Variants in R3HDM1 observed in about 807,000 individuals in gnomAD.
R3HDM1 encodes R3H domain-containing protein 1.
A neutral mutation model predicts 141.1 loss-of-function variants in R3HDM1; 46 were observed. The observed-to-expected ratio is 0.33, with a 90% confidence interval of 0.26 to 0.42. The LOEUF (loss-of-function observed/expected upper bound fraction) is 0.42, where lower values mean the gene tolerates loss of function less well. R3HDM1 is among the 10% of genes least tolerant of loss of function. The pLI is 1.00. For missense variants in R3HDM1, 1,184 were observed against 1,368.3 expected (o/e 0.87, Z 2.12); for synonymous variants, 435 against 472.9 (o/e 0.92, Z 1.04).
intron 21 of R3HDM1, among the ~76,000 whole-genome samples, chr2:135,690,717 T>TTTTTG (rs142534887): frequency 1.3e-4 from 20 of 151,534 alleles, no homozygotes; most frequent in East Asian, 9.7e-4. Flanking sequence ...AAGAGGTTTT[T>TTTTTG]TTTGTTTGTT....
In R3HDM1 at chr2:135,622,600, T is replaced by A; in HGVS notation, c.419-54T>A. 5 of 1,524,100 alleles carry A rather than the reference T, an allele frequency of 3.3e-6. No individual in the cohort carries two copies. The South Asian group carries it at 6.4e-5, about 20-fold the overall frequency. The allele number at this position is 1,524,100 out of a possible 1,614,324, so 94.4% of individuals were successfully genotyped here. A position where few individuals can be genotyped will look rare whatever the true frequency, so the allele number is the denominator to read the frequency against. On this transcript the variant is annotated intron_variant, in intron 6 of 26. Coordinates refer to ENST00000683871, the MANE Select transcript of R3HDM1 (RefSeq NM_001378107.1). Reference sequence around the variant, plus strand: ...TATATACATCATGTGTAAAAGGGAATGGGACTTGTTTTCAAACAACTTTAT... The same window carrying A: ...TATATACATCATGTGTAAAAGGGAAAGGGACTTGTTTTCAAACAACTTTAT...
At chr2:135,566,645 A>T in intron 1 of R3HDM1, 1 of 537,988 alleles carries the variant, frequency 1.9e-6, no homozygotes, top group Non-Finnish European at 2.4e-6. Context: ...TCTTCAGGTT[A>T]ATCTGCATGA....
At chr2:135,680,036 C>A in intron 20 of R3HDM1, 137 bp from the exon 21 acceptor site, 2 of 855,322 alleles carry the variant, frequency 2.3e-6, no homozygotes, top group South Asian at 1.8e-5. Context: ...GCCAAGATTG[C>A]ACCACTACAC....
chr2:135,594,876 C>T (rs541455792), intron 1 of R3HDM1, among the ~76,000 whole-genome samples: 3 of 152,198 alleles, frequency 2.0e-5, no homozygotes, highest in South Asian at 2.1e-4. Flanking sequence ...CCTCTAACTT[C>T]GCATCTCCTG....
intron 7 of R3HDM1, among the ~76,000 whole-genome samples, chr2:135,629,240 C>T (rs1319532702): frequency 6.6e-6 from 1 of 151,964 alleles, no homozygotes; most frequent in African/African-American, 2.4e-5. Flanking sequence ...CGCTTGAACC[C>T]GGGAGGCAGA....
chr2:135,622,800 T>C, intron 7 of R3HDM1, 68 bp downstream of exon 7: 1 of 1,462,840 alleles, frequency 6.8e-7, no homozygotes, highest in South Asian at 1.4e-5. Context: ...TATGTTTTCA[T>C]TATTGAGTTA....
chr2:135,645,325 C>G, intron 15 of R3HDM1, 54 bp from the exon 16 acceptor site: 1 of 1,433,314 alleles, frequency 7.0e-7, no homozygotes, highest in Non-Finnish European at 9.6e-7. Flanking sequence ...GTAAAAGGAC[C>G]TATTTTCCAC....
At chr2:135,568,017 G>A (rs2104983712) in intron 1 of R3HDM1, among the ~76,000 whole-genome samples, 1 of 150,246 alleles carries the variant, frequency 6.7e-6, no homozygotes, top group African/African-American at 2.5e-5. Context: ...CTCCCAAAGT[G>A]CTGGGATTAC....
intron 21 of R3HDM1, among the ~76,000 whole-genome samples, chr2:135,688,298 C>A (rs1280645870): frequency 1.3e-5 from 2 of 152,062 alleles, no homozygotes; most frequent in South Asian, 2.1e-4. Flanking sequence ...TCAGTGTTAA[C>A]GAATCAACAA....
chr2:135,621,418 T>G (rs570933874), intron 5 of R3HDM1, 76 bp from the exon 6 acceptor site: 2 of 909,058 alleles, frequency 2.2e-6, no homozygotes, highest in East Asian at 5.5e-5. Context: ...TCTGTGTTAC[T>G]CAAAAAATAT....
At chr2:135,557,951 A>C (rs1449242930) in intron 1 of R3HDM1, among the ~76,000 whole-genome samples, 1 of 152,228 alleles carries the variant, frequency 6.6e-6, no homozygotes, top group African/African-American at 2.4e-5. Flanking sequence ...AATACATTAA[A>C]ACTATGTAAT....
Position 135,597,138 on chromosome 2 carries a change from T to C in R3HDM1, c.-249-5362T>C, listed in dbSNP as rs568902175. On this transcript the variant is annotated intron_variant, in intron 1 of 26. Coordinates refer to ENST00000683871, the MANE Select transcript of R3HDM1 (RefSeq NM_001378107.1). ...ACAAGACTCCACTAATTATTCTCTC[T>C]CATTCTTCAACTACCAAAAGTCTTT... The C allele has an allele frequency of 4.4e-5, 43 of 978,426 alleles. No homozygotes were observed. In the South Asian group the frequency reaches 1.8e-3, roughly 41 times the overall value. The allele number at this position is 978,426 out of a possible 1,614,324, so 60.6% of individuals were successfully genotyped here. A position where few individuals can be genotyped will look rare whatever the true frequency, so the allele number is the denominator to read the frequency against.
In R3HDM1 at chr2:135,721,995, C is replaced by T. The variant is rs542684163; in HGVS notation, c.2953C>T (p.Pro985Ser). ...TCCTGCTGTTCTGCACGGACACATT[C>T]CAAACCAACAGGTAGGAAAGACAAC... ...NPPAVLHGHI[P>S]NQQGQPGSRH... The change falls in exon 25 of 27, where the codon CCA becomes TCA. Residue 985 changes from proline to serine, a missense_variant. This residue lies in a region of R3HDM1 where 182 missense variants were observed against 252.6 expected (regional missense o/e 0.72). Coordinates refer to ENST00000683871, the MANE Select transcript of R3HDM1 (RefSeq NM_001378107.1). 6.2e-7 allele frequency: 1 copy of T among 1,612,892 alleles called. No individual in the cohort carries two copies. Among genetic ancestry groups the T allele is most frequent in the African/African-American group, 1.3e-5 (1 of 75,020 alleles).
At chr2:135,658,632 A>C (rs992051225) in intron 18 of R3HDM1, among the ~76,000 whole-genome samples, 1 of 152,142 alleles carries the variant, frequency 6.6e-6, no homozygotes, top group African/African-American at 2.4e-5. Flanking sequence ...AATTTATTTC[A>C]TACATTTTTC....
At chr2:135,637,895 G>T (rs1041247734) in intron 11 of R3HDM1, among the ~76,000 whole-genome samples, 1 of 152,028 alleles carries the variant, frequency 6.6e-6, no homozygotes, top group Non-Finnish European at 1.5e-5. Flanking sequence ...AGTCTTCATT[G>T]CAGATACTCA....
intron 21 of R3HDM1, among the ~76,000 whole-genome samples, chr2:135,695,092 C>T (rs1316488590): frequency 2.0e-5 from 3 of 152,282 alleles, no homozygotes; most frequent in South Asian, 2.1e-4. Flanking sequence ...AGGCTGCTGT[C>T]GTCCTGCCTG....
chr2:135,722,182 T>C (rs1199034070), intron 25 of R3HDM1, among the ~76,000 whole-genome samples, 176 bp downstream of exon 25: 1 of 152,174 alleles, frequency 6.6e-6, no homozygotes, highest in Non-Finnish European at 1.5e-5. Context: ...AAGGAGAAGA[T>C]GGTGTGCTGC....
chr2:135,572,646 TCAACC>T (rs2105000245), intron 1 of R3HDM1, among the ~76,000 whole-genome samples: 1 of 152,322 alleles, frequency 6.6e-6, no homozygotes, highest in East Asian at 1.9e-4. Flanking sequence ...ACCCAACAAG[TCAACC>T]CAGATATATA....
intron 1 of R3HDM1, among the ~76,000 whole-genome samples, chr2:135,587,827 T>C (rs138530693): frequency 0.017 from 2,609 of 152,118 alleles, 58 homozygotes; most frequent in Admixed American, 0.048. Context: ...CTCCCTCTCT[T>C]TTTCTGTTTG....
Sources: allele counts gnomAD v4.1 joint callset (sites outside exome capture counted in the v4.1 genomes callset), GRCh38; gene constraint gnomAD v4.1.1; regional missense constraint gnomAD v4.1.1; transcripts MANE v1.5; gene names NCBI Gene and HGNC (gene_info 2026-07-23, HGNC 2026-07-21).